Variants in EYS observed in about 807,000 individuals in gnomAD.
EYS encodes the protein protein eyes shut homolog.
EYS carries 250 observed loss-of-function variants against 282.1 expected under a neutral mutation model. The observed-to-expected ratio is 0.89, with a 90% CI of 0.80 to 0.98. EYS has a LOEUF of 0.98. Among genes scored for constraint, EYS ranks in the 50% least tolerant of loss-of-function variants. The probability of loss-of-function intolerance (pLI) is 0.00; values close to 1 mark genes in which losing one functional copy is unlikely to be tolerated. For missense variants in EYS, 4,016 were observed against 3,709.0 expected, an observed-to-expected ratio of 1.08 and a Z score of -2.15; for synonymous variants, 1,355 against 1,282.9, an observed-to-expected ratio of 1.06 and a Z score of -1.20.
intron 22 of EYS, among the ~76,000 whole-genome samples, chr6:64,667,946 G>A (rs924307828): frequency 6.6e-6 from 1 of 152,054 alleles, no homozygotes. Context: ...CATAACATCT[G>A]GAGGGCTTAA....
intron 5 of EYS, among the ~76,000 whole-genome samples, chr6:65,413,745 A>G (rs1767119197): frequency 6.6e-6 from 1 of 151,960 alleles, no homozygotes; most frequent in Non-Finnish European, 1.5e-5. Flanking sequence ...AACCCCTGCT[A>G]CTCGGAAGGC....
intron 35 of EYS, among the ~76,000 whole-genome samples, chr6:63,953,248 T>C (rs1055686379): frequency 6.6e-6 from 1 of 152,228 alleles, no homozygotes; most frequent in Non-Finnish European, 1.5e-5. Context: ...CCGCAAGGCT[T>C]CAGGGACAGT....
intron 12 of EYS, among the ~76,000 whole-genome samples, chr6:65,101,381 A>G (rs1286569129): frequency 1.1e-4 from 16 of 151,322 alleles, no homozygotes; most frequent in Non-Finnish European, 1.5e-5. Context: ...TAACTTTTAG[A>G]AAAAGTATTT....
chr6:65,334,934 A>T (rs1326491055), intron 11 of EYS, 46 bp downstream of exon 11: 2 of 1,550,574 alleles, frequency 1.3e-6, no homozygotes, highest in South Asian at 2.2e-5. Context: ...ATTTAATTAT[A>T]ACTTTTTGAT....
At chr6:64,298,772 T>G (rs1769128779) in intron 30 of EYS, among the ~76,000 whole-genome samples, 1 of 152,096 alleles carries the variant, frequency 6.6e-6, no homozygotes, top group African/African-American at 2.4e-5. Flanking sequence ...ATATCCTCTC[T>G]AACAAAGATT....
At chr6:64,544,875 A>T (rs1026913308) in intron 26 of EYS, among the ~76,000 whole-genome samples, 10 of 152,176 alleles carry the variant, frequency 6.6e-5, no homozygotes, top group Non-Finnish European at 1.5e-4. Flanking sequence ...TGAGGCCATA[A>T]TTAATAGCTT....
intron 2 of EYS, among the ~76,000 whole-genome samples, chr6:65,501,705 T>G (rs1397682321): frequency 2.6e-5 from 4 of 151,818 alleles, no homozygotes; most frequent in Non-Finnish European, 5.9e-5. Flanking sequence ...TCAAAATATA[T>G]AATTCCATAT....
chr6:64,889,452 G>T (rs950214992), intron 18 of EYS, among the ~76,000 whole-genome samples: 2 of 151,806 alleles, frequency 1.3e-5, no homozygotes, highest in Admixed American at 1.3e-4. Flanking sequence ...ATTTCCTTCT[G>T]AATTTTGCCT....
chr6:64,555,354 G>A (rs1027512823), intron 26 of EYS, among the ~76,000 whole-genome samples: 4 of 151,714 alleles, frequency 2.6e-5, no homozygotes, highest in Non-Finnish European at 5.9e-5. Flanking sequence ...GAATTAATGG[G>A]GGGGTAGAGA....
At chr6:65,588,332 G>A (rs1352697187) in intron 2 of EYS, among the ~76,000 whole-genome samples, 1 of 151,752 alleles carries the variant, frequency 6.6e-6, no homozygotes, top group Non-Finnish European at 1.5e-5. Flanking sequence ...AATCTAACAG[G>A]CTAACATAAA....
At chr6:65,040,504 C>A (rs1009922919) in intron 13 of EYS, among the ~76,000 whole-genome samples, 2 of 151,684 alleles carry the variant, frequency 1.3e-5, no homozygotes, top group Non-Finnish European at 3.0e-5. Context: ...TAACTAATTA[C>A]ATATATTTGA....
At chr6:63,922,600 G>A (rs1453117966) in intron 35 of EYS, among the ~76,000 whole-genome samples, 1 of 152,032 alleles carries the variant, frequency 6.6e-6, no homozygotes. Flanking sequence ...AGATAATTAG[G>A]CATGTCTCAA....
chr6:64,138,209 A>G (rs540012930), intron 31 of EYS, among the ~76,000 whole-genome samples: 1 of 152,296 alleles, frequency 6.6e-6, no homozygotes, highest in East Asian at 1.9e-4. Context: ...GTAGACGAGG[A>G]AGGGTTGACA....
At chr6:63,906,252 A>C (rs1283537653) in intron 35 of EYS, among the ~76,000 whole-genome samples, 2 of 152,220 alleles carry the variant, frequency 1.3e-5, no homozygotes, top group Non-Finnish European at 2.9e-5. Context: ...TTAGCATTTC[A>C]TTCACTATAT....
chr6:65,096,322 A>C (rs1325966360), intron 12 of EYS, among the ~76,000 whole-genome samples: 1 of 150,890 alleles, frequency 6.6e-6, no homozygotes, highest in East Asian at 1.9e-4. Flanking sequence ...TAAAACTAAA[A>C]AATATGATGA....
chr6:65,033,007 T>G (rs74792600), intron 13 of EYS, among the ~76,000 whole-genome samples: 228 of 152,280 alleles, frequency 1.5e-3, no homozygotes, highest in Middle Eastern at 6.8e-3. Context: ...AAAGGTCACA[T>G]GTGTTATGCC....
chr6:65,583,867 G>A (rs558889194), intron 2 of EYS, among the ~76,000 whole-genome samples: 3 of 151,836 alleles, frequency 2.0e-5, no homozygotes, highest in Admixed American at 1.3e-4. Flanking sequence ...TTGACAGAAT[G>A]TTAATATGTT....
At chr6:64,781,549 C>A (rs1262320029) in intron 22 of EYS, among the ~76,000 whole-genome samples, 1 of 146,844 alleles carries the variant, frequency 6.8e-6, no homozygotes, top group Non-Finnish European at 1.5e-5. Context: ...TGCACTCCAG[C>A]CTGGGCGACA....
chr6:65,490,719 A>T lies in EYS; in HGVS notation c.749-12T>A. The T allele has an allele frequency of 6.4e-7, 1 of 1,572,866 alleles. No individual in the cohort carries two copies. Among genetic ancestry groups the T allele is most frequent in the Non-Finnish European group, 8.7e-7 (1 of 1,143,652 alleles). ...TGAGCAATTCTTTCCTATAACAATGAAAAAAAGTTTTTTTTACATTGGATA... is the reference window on the plus strand; with the variant it reads ...TGAGCAATTCTTTCCTATAACAATGTAAAAAAGTTTTTTTTACATTGGATA... On this transcript the variant is annotated splice_polypyrimidine_tract_variant and intron_variant, in intron 4 of 42. Transcript: ENST00000503581.
Sources: gnomAD v4.1 joint callset for allele counts (sites outside exome capture counted in the v4.1 genomes callset) on GRCh38, gnomAD v4.1.1 for gene constraint, MANE v1.5 for transcripts, NCBI Gene and HGNC (gene_info 2026-07-23, HGNC 2026-07-21) for gene names.